Variants in TLL2 observed in about 807,000 individuals in gnomAD.
The protein encoded by TLL2 is tolloid like 2.
TLL2 carries 106 observed loss-of-function variants against 123.0 expected under a neutral mutation model. That is an observed-to-expected ratio of 0.86 (90% CI 0.74 to 1.01). The LOEUF is 1.01. Among genes scored for constraint, TLL2 ranks in the 50% least tolerant of loss-of-function variants. The pLI, the probability that TLL2 is intolerant of heterozygous loss-of-function variation, is 0.00. For missense variants in TLL2, 1,332 were observed against 1,336.7 expected, an observed-to-expected ratio of 1.00 and a Z score of 0.06; for synonymous variants, 494 against 516.8, an observed-to-expected ratio of 0.96 and a Z score of 0.60.
intron 1 of TLL2, among the ~76,000 whole-genome samples, chr10:96,484,905 T>C (rs1847343934): frequency 1.3e-5 from 2 of 152,208 alleles, no homozygotes; most frequent in Admixed American, 1.3e-4. Flanking sequence ...AATATAGCTT[T>C]CGAAACTTTG....
chr10:96,370,033 T>G, intron 20 of TLL2, 32 bp downstream of exon 20: 1 of 1,527,166 alleles, frequency 6.5e-7, no homozygotes, highest in East Asian at 2.3e-5. Flanking sequence ...ATCATCACAC[T>G]CTGCCCCGGC....
intron 7 of TLL2, among the ~76,000 whole-genome samples, chr10:96,420,113 G>T (rs1200401372): frequency 6.6e-6 from 1 of 151,938 alleles, no homozygotes; most frequent in Non-Finnish European, 1.5e-5. Context: ...GATCCTTTTG[G>T]GGGAAGACTA....
At chr10:96,383,001 G>A (rs984066364) in intron 16 of TLL2, among the ~76,000 whole-genome samples, 1 of 151,892 alleles carries the variant, frequency 6.6e-6, no homozygotes, top group Non-Finnish European at 1.5e-5. Flanking sequence ...CCAGGGAGAG[G>A]GAACGCCACA....
chr10:96,378,357 G>A (rs2134053871), intron 17 of TLL2, among the ~76,000 whole-genome samples: 1 of 152,322 alleles, frequency 6.6e-6, no homozygotes, highest in South Asian at 2.1e-4. Context: ...CAGAAGGAAG[G>A]CTTTTTCCAG....
chr10:96,513,462 G>T lies in TLL2; in HGVS notation c.175+49C>A, dbSNP rs751703718. ...TGCAGGCTTGCCCACCACCTCATTT[G>T]CATTTCAAAGGCAAACTTCTGCGGG... On this transcript the variant is annotated intron_variant, in intron 1 of 20. Transcript: ENST00000357947. The T allele has an allele frequency of 2.5e-6, 4 of 1,608,242 alleles. No homozygotes were observed. The South Asian group carries it at 4.4e-5, about 18-fold the overall frequency.
rs866393211 is a variant in TLL2, at chr10:96,460,613, C to T, written c.287-14445G>A. 2.6e-5 allele frequency among the ~76,000 whole-genome samples: 4 copies of T among 152,232 alleles called. No homozygotes were observed. The South Asian group carries it at 8.3e-4, about 32-fold the overall frequency. ...GATTGTTTAAAAGTGTGTAGCATTT[C>T]CCCCTTCTTTCGCTCTCTCCTGCCA... On this transcript the variant is annotated intron_variant, in intron 2 of 20. Coordinates refer to ENST00000357947, the MANE Select transcript of TLL2 (RefSeq NM_012465.4).
intron 11 of TLL2, among the ~76,000 whole-genome samples, chr10:96,396,518 GAAGGACCCTTGGTAATGTAAGGCCA>G (rs375522048): frequency 0.031 from 4,623 of 151,148 alleles, 257 homozygotes; most frequent in African/African-American, 0.11. Flanking sequence ...ATTTAAGGCC[GAAGGACCCTTGGTAATGTAAGGCCA>G]AAGGACCCTT....
At chr10:96,398,080 C>G (rs1294578350) in intron 10 of TLL2, among the ~76,000 whole-genome samples, 1 of 152,162 alleles carries the variant, frequency 6.6e-6, no homozygotes, top group East Asian at 1.9e-4. Flanking sequence ...ATGTGATTGT[C>G]CAGACATTTG....
At chr10:96,389,634 T>G (rs77732431) in intron 13 of TLL2, among the ~76,000 whole-genome samples, 4,375 of 152,132 alleles carry the variant, frequency 0.029, 197 homozygotes, top group South Asian at 0.087. Context: ...GAGAGACAGA[T>G]AGACAAAGGA....
At chr10:96,507,189 C>A (rs1261189462) in intron 1 of TLL2, among the ~76,000 whole-genome samples, 1 of 152,012 alleles carries the variant, frequency 6.6e-6, no homozygotes, top group Non-Finnish European at 1.5e-5. Flanking sequence ...CTCTGCTTGG[C>A]ATTGGATGGC....
intron 13 of TLL2, among the ~76,000 whole-genome samples, chr10:96,388,869 G>A (rs1197931002): frequency 4.6e-5 from 7 of 152,168 alleles, no homozygotes; most frequent in Non-Finnish European, 8.8e-5. Context: ...AACTCTAATG[G>A]TGATGTACTC....
At chr10:96,476,240 A>ATATATATATTTTTTTTTTTTT in intron 2 of TLL2, among the ~76,000 whole-genome samples, 2 of 20,498 alleles carry the variant, frequency 9.8e-5, no homozygotes, top group Non-Finnish European at 2.0e-4. Context: ...ATATATATAT[A>ATATATATATTTTTTTTTTTTT]TTTTATTTTT....
At chr10:96,487,383 C>T (rs977050138) in intron 1 of TLL2, among the ~76,000 whole-genome samples, 2 of 151,560 alleles carry the variant, frequency 1.3e-5, no homozygotes, top group Non-Finnish European at 2.9e-5. Flanking sequence ...GCTTCCATCA[C>T]CACTATTTGC....
chr10:96,482,134 T>C (rs1402197943), intron 1 of TLL2, among the ~76,000 whole-genome samples: 1 of 152,026 alleles, frequency 6.6e-6, no homozygotes, highest in Non-Finnish European at 1.5e-5. Flanking sequence ...GGCGGGCGCC[T>C]GTAGTCCCAG....
intron 1 of TLL2, among the ~76,000 whole-genome samples, chr10:96,504,619 G>A (rs558929547): frequency 8.3e-4 from 127 of 152,164 alleles, no homozygotes; most frequent in African/African-American, 2.9e-3. Flanking sequence ...ATCAGAATTG[G>A]CACCATTAGA....
chr10:96,375,533 T>G (rs1846130042), intron 18 of TLL2, among the ~76,000 whole-genome samples: 2 of 152,146 alleles, frequency 1.3e-5, no homozygotes, highest in African/African-American at 4.8e-5. Context: ...AAGCAGTGCC[T>G]TTCCCTAAGG....
intron 13 of TLL2, among the ~76,000 whole-genome samples, chr10:96,392,573 A>G (rs948795753): frequency 2.0e-5 from 3 of 151,974 alleles, no homozygotes; most frequent in Non-Finnish European, 4.4e-5. Context: ...AGTGGTTACC[A>G]GTTATCCCCC....
At chr10:96,410,753 C>A in intron 8 of TLL2, 1 of 527,686 alleles carries the variant, frequency 1.9e-6, no homozygotes, top group South Asian at 1.7e-5. Flanking sequence ...AGCTGTGTGG[C>A]TTGGGCAAGT....
intron 9 of TLL2, among the ~76,000 whole-genome samples, chr10:96,409,327 A>T (rs1400350566): frequency 6.6e-6 from 1 of 152,220 alleles, no homozygotes; most frequent in Non-Finnish European, 1.5e-5. Context: ...AGTAGTGACT[A>T]TACCGTGAGA....
Sources: allele counts gnomAD v4.1 joint callset (sites outside exome capture counted in the v4.1 genomes callset), GRCh38; gene constraint gnomAD v4.1.1; transcripts MANE v1.5; gene names NCBI Gene and HGNC (gene_info 2026-07-23, HGNC 2026-07-21).